Variants in CSE1L observed in about 807,000 individuals in gnomAD.
The protein encoded by CSE1L is exportin-2.
CSE1L carries 24 observed loss-of-function variants against 120.4 expected under a neutral mutation model. The ratio of observed to expected loss-of-function variants is 0.20; its 90% CI spans 0.14 to 0.28. The LOEUF (loss-of-function observed/expected upper bound fraction) is 0.28, where lower values mean the gene tolerates loss of function less well. Among genes scored for constraint, CSE1L ranks in the 10% least tolerant of loss-of-function variants. The pLI, the probability that CSE1L is intolerant of heterozygous loss-of-function variation, is 1.00. For synonymous variants in CSE1L, 402 were observed against 398.3 expected, an observed-to-expected ratio of 1.01 and a Z score of -0.11; for missense variants, 830 against 1,145.2, an observed-to-expected ratio of 0.72 and a Z score of 3.97.
intron 14 of CSE1L, among the ~76,000 whole-genome samples, chr20:49,083,694 C>G (rs546326249): frequency 6.6e-6 from 1 of 152,152 alleles, no homozygotes; most frequent in Non-Finnish European, 1.5e-5. Context: ...GGTTAAATAA[C>G]TTTTTCAAGA....
intron 3 of CSE1L, 82 bp downstream of exon 3, chr20:49,063,426 C>T (rs6019621): frequency 0.32 from 289,580 of 908,754 alleles, 48,545 homozygotes; most frequent in African/African-American, 0.53. Flanking sequence ...AGATAAGGCA[C>T]GTGCTTGTAG....
rs746870335 is a variant in CSE1L, at chr20:49,072,392, G to T, written c.875G>T (p.Arg292Leu). The T allele has an allele frequency of 1.2e-6, 2 of 1,614,124 alleles. No homozygotes were observed. Among genetic ancestry groups the T allele is most frequent in the East Asian group, 4.5e-5 (2 of 44,876 alleles). Reference protein sequence around the residue: ...YDEEFQRYLPRFVTAIWNLLV... With the variant: ...YDEEFQRYLPLFVTAIWNLLV... ...GAAGAATTCCAGCGATACCTGCCTC[G>T]TTTTGTTACAGCCATCTGGAATTTA... The change falls in exon 9 of 25, where the codon CGT becomes CTT. Residue 292 changes from arginine (R) to leucine (L), a missense_variant. Coordinates refer to ENST00000262982, the MANE Select transcript of CSE1L (RefSeq NM_001316.4).
intron 2 of CSE1L, among the ~76,000 whole-genome samples, chr20:49,059,867 G>A (rs541457537): frequency 9.2e-5 from 14 of 151,610 alleles, no homozygotes; most frequent in African/African-American, 2.7e-4. Context: ...GTGACAGAGC[G>A]AGACGTAGTC....
chr20:49,084,161 C>CTGTG lies in CSE1L; in HGVS notation c.1619_1619+3dup. 6.2e-7 allele frequency: 1 copy of CTGTG among 1,613,762 alleles called. No individual in the cohort carries two copies. Among genetic ancestry groups the CTGTG allele is most frequent in the Non-Finnish European group, 8.5e-7 (1 of 1,179,784 alleles). ...TATGCGAGGGCCTAACAATGCCACT[C>CTGTG]TGTGAGTATTTTATTCTAAAGTTTT... On this transcript the variant is annotated frameshift_variant and splice_region_variant, in exon 15 of 25. Coordinates refer to ENST00000262982, the MANE Select transcript of CSE1L (RefSeq NM_001316.4). LOFTEE classifies it high-confidence loss of function.
chr20:49,074,633 G>A, intron 10 of CSE1L, 152 bp from the exon 11 acceptor site: 1 of 494,162 alleles, frequency 2.0e-6, no homozygotes, highest in South Asian at 3.1e-5. Context: ...TGCTGCTCTA[G>A]ATAATGATTA....
chr20:49,067,301 A>G (rs370625955), intron 6 of CSE1L, 21 bp downstream of exon 6: 307 of 1,445,970 alleles, frequency 2.1e-4, no homozygotes, highest in Non-Finnish European at 2.7e-4. Context: ...CATCTTGGTG[A>G]TATTTTTAAA....
intron 11 of CSE1L, 111 bp downstream of exon 11, chr20:49,074,961 G>A (rs1000073282): frequency 3.1e-5 from 23 of 742,276 alleles, no homozygotes; most frequent in African/African-American, 3.6e-5. Context: ...TTTTTTCAGC[G>A]GGCTTTCATT....
chr20:49,094,900 G>A lies in CSE1L; in HGVS notation c.2763G>A (p.Val921=). The part of the protein sequence containing the change: ...KKEHDPVGQM[V]NNPKIHLAQS... ...AGCATGATCCTGTAGGTCAAATGGT[G>A]AATAACCCCAAAATTCACCTGGCAC... Residue 921 remains valine, a synonymous_variant, in exon 24 of 25, where the codon GTG becomes GTA. Coordinates refer to ENST00000262982, the MANE Select transcript of CSE1L (RefSeq NM_001316.4). 1 of 1,614,150 alleles carries A rather than the reference G, an allele frequency of 6.2e-7. No individual in the cohort carries two copies. Among genetic ancestry groups the A allele is most frequent in the Non-Finnish European group, 8.5e-7 (1 of 1,180,020 alleles).
At chr20:49,096,194 A>G in intron 24 of CSE1L, 155 bp from the exon 25 acceptor site, 1 of 716,366 alleles carries the variant, frequency 1.4e-6, no homozygotes, top group Non-Finnish European at 2.6e-6. Flanking sequence ...TTGAAGGCAT[A>G]AAAGCAGTTG....
At chr20:49,052,046 T>A (rs778704067) in intron 1 of CSE1L, among the ~76,000 whole-genome samples, 1 of 152,212 alleles carries the variant, frequency 6.6e-6, no homozygotes, top group Non-Finnish European at 1.5e-5. Flanking sequence ...ATAAACAAAT[T>A]TAATTGTGGC....
chr20:49,089,465 C>G, intron 18 of CSE1L, 68 bp downstream of exon 18: 2 of 1,596,812 alleles, frequency 1.3e-6, no homozygotes, highest in South Asian at 2.2e-5. Flanking sequence ...TGCAGCCCAC[C>G]TAAGCGATGT....
At chr20:49,087,179 G>A (rs866759254) in intron 16 of CSE1L, among the ~76,000 whole-genome samples, 1 of 151,844 alleles carries the variant, frequency 6.6e-6, no homozygotes, top group Non-Finnish European at 1.5e-5. Flanking sequence ...CAATATTTTT[G>A]CAATTTGGAC....
chr20:49,046,954 C>G (rs1249793344), intron 1 of CSE1L, among the ~76,000 whole-genome samples: 3 of 152,256 alleles, frequency 2.0e-5, no homozygotes, highest in Admixed American at 1.3e-4. Flanking sequence ...ACTCACCCTT[C>G]TCTAACCTCT....
intron 10 of CSE1L, 41 bp downstream of exon 10, chr20:49,072,738 CTG>C: frequency 6.5e-7 from 1 of 1,536,022 alleles, no homozygotes; most frequent in Non-Finnish European, 8.8e-7. Flanking sequence ...TCTACTAAGT[CTG>C]TGTTTGTTTT....
intron 19 of CSE1L, 131 bp from the exon 20 acceptor site, chr20:49,090,611 T>G: frequency 1.4e-6 from 1 of 711,836 alleles, no homozygotes; most frequent in Non-Finnish European, 2.4e-6. Context: ...TCCCCATATG[T>G]TTCAGAAATA....
chr20:49,070,583 T>C (rs1261809913), intron 8 of CSE1L, among the ~76,000 whole-genome samples: 2 of 152,186 alleles, frequency 1.3e-5, no homozygotes, highest in Non-Finnish European at 2.9e-5. Context: ...AATAAAATTA[T>C]TTTTCATTGA....
intron 14 of CSE1L, 125 bp from the exon 15 acceptor site, chr20:49,083,901 C>T: frequency 1.1e-6 from 1 of 943,012 alleles, no homozygotes; most frequent in South Asian, 1.8e-5. Flanking sequence ...GCAGCATCTC[C>T]TATTATAACA....
intron 5 of CSE1L, 133 bp from the exon 6 acceptor site, chr20:49,067,050 AAAAAAAG>A: frequency 2.3e-6 from 1 of 441,764 alleles, no homozygotes; most frequent in South Asian, 3.9e-5. Context: ...AAAAAAAAAA[AAAAAAAG>A]AATTCCCTTT....
chr20:49,068,591 T>C (rs2091910516), intron 6 of CSE1L, 124 bp from the exon 7 acceptor site: 1 of 658,276 alleles, frequency 1.5e-6, no homozygotes, highest in East Asian at 2.8e-5. Flanking sequence ...AGAGCAAGAC[T>C]CCGTCTCAAA....
Sources: allele counts gnomAD v4.1 joint callset (sites outside exome capture counted in the v4.1 genomes callset), GRCh38; gene constraint gnomAD v4.1.1; transcripts MANE v1.5; gene names NCBI Gene and HGNC (gene_info 2026-07-23, HGNC 2026-07-21).